DSCAM: variants seen among roughly 807,000 people sequenced by gnomAD.
DSCAM encodes the protein DS cell adhesion molecule.
A neutral mutation model predicts 217.7 loss-of-function variants in DSCAM; 47 were observed. The observed-to-expected ratio is 0.22, with a 90% CI of 0.17 to 0.28. DSCAM has a LOEUF of 0.28. DSCAM is among the 10% of genes least tolerant of loss of function. The pLI, the probability that DSCAM is intolerant of heterozygous loss-of-function variation, is 1.00. For missense variants in DSCAM, 2,080 were observed against 2,618.3 expected, an observed-to-expected ratio of 0.79 and a Z score of 4.49; for synonymous variants, 1,056 against 1,015.3, an observed-to-expected ratio of 1.04 and a Z score of -0.76.
chr21:40,707,624 A>G (rs143139545), intron 2 of DSCAM, among the ~76,000 whole-genome samples: 195 of 152,370 alleles, frequency 1.3e-3, no homozygotes, highest in African/African-American at 4.1e-3. Context: ...GTGTATAAGA[A>G]AAAAATCAAA....
intron 1 of DSCAM, among the ~76,000 whole-genome samples, chr21:40,782,843 C>T (rs932646558): frequency 3.9e-5 from 6 of 152,142 alleles, no homozygotes; most frequent in Admixed American, 6.5e-5. Flanking sequence ...ATTGCTTCTC[C>T]GTAATGCAAG....
chr21:40,463,036 C>G (rs530140475), intron 3 of DSCAM, among the ~76,000 whole-genome samples: 1 of 152,218 alleles, frequency 6.6e-6, no homozygotes, highest in Non-Finnish European at 1.5e-5. Flanking sequence ...GACATACTTT[C>G]TGCTATAAGG....
chr21:40,841,548 T>C (rs2092101638), intron 1 of DSCAM, among the ~76,000 whole-genome samples: 1 of 152,074 alleles, frequency 6.6e-6, no homozygotes, highest in Non-Finnish European at 1.5e-5. Context: ...GGAACAGGTG[T>C]TTTCCAGTGG....
At chr21:40,715,657 T>C (rs2090834030) in intron 1 of DSCAM, among the ~76,000 whole-genome samples, 1 of 152,296 alleles carries the variant, frequency 6.6e-6, no homozygotes, top group East Asian at 1.9e-4. Context: ...AACACGGCAG[T>C]TTTCAACTCA....
Position 40,734,598 on chromosome 21 carries a change from G to A in DSCAM, c.44-25827C>T, listed in dbSNP as rs75236841. Among the ~76,000 whole-genome samples the A allele has an allele frequency of 3.0e-3, 453 of 152,196 alleles. 2 individuals carry two copies. Among genetic ancestry groups the A allele is most frequent in the South Asian group, 0.011 (53 of 4,812 alleles). ...AGGGTGAGCCTCAATCTGCTTCTTC[G>A]AATGTAAATCCAATTGTCGGAGAGG... is the stretch of plus-strand genomic sequence containing the variant. On this transcript the variant is annotated intron_variant, in intron 1 of 32. Transcript: ENST00000400454.
intron 3 of DSCAM, among the ~76,000 whole-genome samples, chr21:40,464,244 T>C (rs376828305): frequency 3.3e-5 from 5 of 152,200 alleles, no homozygotes; most frequent in Middle Eastern, 6.8e-3. Flanking sequence ...TAAAAGTAAA[T>C]CAGTAAATCG....
At chr21:40,081,780 C>T (rs2089464707) in intron 24 of DSCAM, among the ~76,000 whole-genome samples, 1 of 152,184 alleles carries the variant, frequency 6.6e-6, no homozygotes, top group African/African-American at 2.4e-5. Context: ...ACTTACGACA[C>T]CTCCTGATGA....
chr21:40,692,267 G>A (rs776188852), intron 3 of DSCAM, among the ~76,000 whole-genome samples: 16 of 152,160 alleles, frequency 1.1e-4, no homozygotes, highest in African/African-American at 2.7e-4. Flanking sequence ...TTTAAATTTT[G>A]TCTTTTCTAC....
chr21:40,556,639 G>C (rs2076673873), intron 3 of DSCAM, among the ~76,000 whole-genome samples: 1 of 148,264 alleles, frequency 6.7e-6, no homozygotes, highest in African/African-American at 2.4e-5. Flanking sequence ...AGATCACATG[G>C]AGACAGAGGA....
chr21:40,174,723 A>G (rs542377298), intron 15 of DSCAM, among the ~76,000 whole-genome samples: 1 of 152,280 alleles, frequency 6.6e-6, no homozygotes, highest in African/African-American at 2.4e-5. Flanking sequence ...CCAAGCAGGA[A>G]CTCAAGAGGA....
intron 20 of DSCAM, among the ~76,000 whole-genome samples, chr21:40,113,727 A>C: frequency 6.6e-6 from 1 of 152,170 alleles, no homozygotes; most frequent in Admixed American, 6.5e-5. Flanking sequence ...CAGGATACAA[A>C]ATCAATGTGC....
At chr21:40,400,768 T>C (rs2075226571) in intron 3 of DSCAM, among the ~76,000 whole-genome samples, 1 of 152,246 alleles carries the variant, frequency 6.6e-6, no homozygotes, top group African/African-American at 2.4e-5. Context: ...CATACTCTGT[T>C]ATGTTAAAAT....
chr21:40,798,815 C>A (rs566772616), intron 1 of DSCAM, among the ~76,000 whole-genome samples: 6 of 152,130 alleles, frequency 3.9e-5, no homozygotes, highest in Non-Finnish European at 7.4e-5. Context: ...AAGTGTTTTA[C>A]AAACTTCACC....
intron 3 of DSCAM, among the ~76,000 whole-genome samples, chr21:40,681,113 T>G (rs1432325310): frequency 1.3e-5 from 2 of 152,242 alleles, no homozygotes; most frequent in Admixed American, 6.5e-5. Context: ...TACTAATCAC[T>G]TGGGAAACTG....
chr21:40,241,270 G>A (rs1475252907), intron 11 of DSCAM, among the ~76,000 whole-genome samples: 1 of 152,020 alleles, frequency 6.6e-6, no homozygotes, highest in Non-Finnish European at 1.5e-5. Context: ...AGTATCTATA[G>A]GAATGTAAAC....
At chr21:40,375,173 C>T (rs767424035) in intron 3 of DSCAM, among the ~76,000 whole-genome samples, 4 of 152,290 alleles carry the variant, frequency 2.6e-5, no homozygotes, top group Non-Finnish European at 5.9e-5. Context: ...CAAAATATAT[C>T]CTGAATCCAT....
At chr21:40,573,648 AAAT>A (rs945411632) in intron 3 of DSCAM, among the ~76,000 whole-genome samples, 2 of 152,128 alleles carry the variant, frequency 1.3e-5, no homozygotes, top group Non-Finnish European at 1.5e-5. Context: ...ATAAGAAAGG[AAAT>A]AATAAAAACA....
At chr21:40,670,050 A>C (rs938801552) in intron 3 of DSCAM, among the ~76,000 whole-genome samples, 3 of 152,200 alleles carry the variant, frequency 2.0e-5, no homozygotes, top group African/African-American at 7.2e-5. Flanking sequence ...ATAAAATACA[A>C]TGTCACAATA....
chr21:40,826,547 G>T (rs913985292), intron 1 of DSCAM, among the ~76,000 whole-genome samples: 3 of 152,244 alleles, frequency 2.0e-5, no homozygotes, highest in Non-Finnish European at 2.9e-5. Context: ...AGATTATCAT[G>T]ATAGTCCAGG....
Sources: allele counts gnomAD v4.1 joint callset (sites outside exome capture counted in the v4.1 genomes callset), GRCh38; gene constraint gnomAD v4.1.1; transcripts MANE v1.5; gene names NCBI Gene and HGNC (gene_info 2026-07-23, HGNC 2026-07-21).